Variants in FAM135A observed in about 807,000 individuals in gnomAD.
FAM135A encodes family with sequence similarity 135 member A.
In FAM135A, 79 loss-of-function variants were observed where a neutral mutation model predicts 146.8. The observed-to-expected ratio is 0.54, with a 90% CI of 0.45 to 0.65. FAM135A has a LOEUF of 0.65. FAM135A is among the 30% of genes least tolerant of loss of function. The probability of loss-of-function intolerance (pLI) is 0.00; values close to 1 mark genes in which losing one functional copy is unlikely to be tolerated. For missense variants in FAM135A, 1,623 were observed against 1,758.2 expected (o/e 0.92, Z 1.38); for synonymous variants, 562 against 603.6 (o/e 0.93, Z 1.01).
intron 20 of FAM135A, among the ~76,000 whole-genome samples, chr6:70,551,713 T>C (rs143617828): frequency 9.2e-5 from 14 of 152,272 alleles, no homozygotes; most frequent in South Asian, 2.1e-4. Flanking sequence ...TATAATTGTG[T>C]CTCAGGGATT....
At chr6:70,489,063 G>T (rs1180270027) in intron 10 of FAM135A, among the ~76,000 whole-genome samples, 1 of 152,080 alleles carries the variant, frequency 6.6e-6, no homozygotes, top group Non-Finnish European at 1.5e-5. Flanking sequence ...ATGCAGTTAG[G>T]TTCTTCTATG....
At position 70,559,934 on chromosome 6, in the gene FAM135A, GT is replaced by G; in HGVS notation, c.*15del. On this transcript the variant is annotated 3_prime_UTR_variant, in exon 22 of 22. Coordinates refer to ENST00000418814, the MANE Select transcript of FAM135A (RefSeq NM_001162529.3). ...ATATTTCCAATAGTATAAAAGCATT[GT>G]TAGCGACTGGACAATTACCTCATTC... 6.3e-7 allele frequency: 1 copy of G among 1,587,084 alleles called. No homozygotes were observed. The highest frequency in any genetic ancestry group is 8.6e-7 in the Non-Finnish European group (1 of 1,158,862).
intron 8 of FAM135A, among the ~76,000 whole-genome samples, chr6:70,480,139 A>G (rs897199082): frequency 1.3e-5 from 2 of 152,176 alleles, no homozygotes; most frequent in Non-Finnish European, 2.9e-5. Flanking sequence ...TGATTTTTCA[A>G]CAGTTTAACA....
At chr6:70,548,783 A>G (rs951968667) in intron 20 of FAM135A, among the ~76,000 whole-genome samples, 3 of 152,176 alleles carry the variant, frequency 2.0e-5, no homozygotes, top group Non-Finnish European at 4.4e-5. Flanking sequence ...TAATTCATTC[A>G]CAGACCACAC....
intron 5 of FAM135A, among the ~76,000 whole-genome samples, chr6:70,463,949 A>G (rs373886347): frequency 2.0e-5 from 3 of 152,192 alleles, no homozygotes; most frequent in African/African-American, 7.2e-5. Context: ...TGGCCTGCTG[A>G]AATAGGCAGT....
intron 5 of FAM135A, among the ~76,000 whole-genome samples, chr6:70,463,435 A>T (rs1011511681): frequency 4.0e-5 from 6 of 150,820 alleles, no homozygotes; most frequent in Non-Finnish European, 5.9e-5. Flanking sequence ...AAAAAAAAAA[A>T]TTTGTAGAGA....
Position 70,442,569 on chromosome 6 carries a change from A to G in FAM135A, c.78-9923A>G, listed in dbSNP as rs139771978. 2.0e-5 allele frequency among the ~76,000 whole-genome samples: 3 copies of G among 152,118 alleles called. No individual in the cohort carries two copies. The East Asian group carries it at 5.8e-4, about 29-fold the overall frequency. On this transcript the variant is annotated intron_variant, in intron 4 of 21. Coordinates refer to ENST00000418814, the MANE Select transcript of FAM135A (RefSeq NM_001162529.3). ...GGTATATCCTTTTTTTCTTTTGAAAATAGAGGCAAATAAATATATAGTCAT... is the reference window on the plus strand; with the variant it reads ...GGTATATCCTTTTTTTCTTTTGAAAGTAGAGGCAAATAAATATATAGTCAT...
In FAM135A at chr6:70,471,422, C is replaced by G. The variant is rs145591480; in HGVS notation, c.158-3988C>G. Among the ~76,000 whole-genome samples the G allele has an allele frequency of 5.6e-3, 856 of 152,142 alleles. 3 individuals are homozygous for G. Among genetic ancestry groups the G allele is most frequent in the Non-Finnish European group, 8.2e-3 (557 of 67,968 alleles). Reference sequence around the variant, plus strand: ...TCTTAGAGGGTATGAACCAGAAAGACAGGTGGAAGTATGGGAGGAGAGGTT... The same window carrying G: ...TCTTAGAGGGTATGAACCAGAAAGAGAGGTGGAAGTATGGGAGGAGAGGTT... On this transcript the variant is annotated intron_variant, in intron 5 of 21. Coordinates refer to ENST00000418814, the MANE Select transcript of FAM135A (RefSeq NM_001162529.3).
chr6:70,463,087 A>G, intron 5 of FAM135A, among the ~76,000 whole-genome samples: 1 of 151,992 alleles, frequency 6.6e-6, no homozygotes, highest in Non-Finnish European at 1.5e-5. Flanking sequence ...GTTTCCCACC[A>G]TTCTTGTGGA....
At chr6:70,440,502 C>T (rs543577423) in intron 4 of FAM135A, among the ~76,000 whole-genome samples, 1 of 152,202 alleles carries the variant, frequency 6.6e-6, no homozygotes, top group South Asian at 2.1e-4. Context: ...GCCTGGCCAA[C>T]ATGGTGAAAC....
intron 5 of FAM135A, among the ~76,000 whole-genome samples, chr6:70,474,055 T>C (rs1782134603): frequency 6.6e-6 from 1 of 151,848 alleles, no homozygotes; most frequent in African/African-American, 2.4e-5. Flanking sequence ...ACTTTACTCT[T>C]GGCTGCCCTC....
chr6:70,414,700 G>C (rs780932488), intron 1 of FAM135A, among the ~76,000 whole-genome samples: 2 of 151,976 alleles, frequency 1.3e-5, no homozygotes. Flanking sequence ...TTTCTTTACC[G>C]GTTGGTGGAA....
chr6:70,516,106 C>G (rs116427172), intron 12 of FAM135A, among the ~76,000 whole-genome samples: 2 of 152,082 alleles, frequency 1.3e-5, no homozygotes, highest in Non-Finnish European at 1.5e-5. Context: ...ACCAGTTTTA[C>G]AGTTGTTTGC....
At position 70,542,278 on chromosome 6, in the gene FAM135A, C is replaced by CACACACACACACA. The variant is rs1424633787; in HGVS notation, c.4228+3877_4228+3878insACACACACACACA. 1.6e-3 allele frequency among the ~76,000 whole-genome samples: 167 copies of CACACACACACACA among 106,818 alleles called. 1 individual carries two copies. The highest frequency in any genetic ancestry group is 5.9e-3 in the African/African-American group (161 of 27,334). The allele number at this position is 106,818 out of a possible 152,430, so 70.1% of individuals were successfully genotyped here. A position where few individuals can be genotyped will look rare whatever the true frequency, so the allele number is the denominator to read the frequency against. On this transcript the variant is annotated intron_variant, in intron 20 of 21. Coordinates refer to ENST00000418814, the MANE Select transcript of FAM135A (RefSeq NM_001162529.3). ...CACACACACACACACACACACACAC[C>CACACACACACACA]CTTTGCTGTGGTCATGCTATTCATG... is the stretch of plus-strand genomic sequence containing the variant.
At position 70,522,548 on chromosome 6, in the gene FAM135A, G is replaced by A. The variant is rs1167329730; in HGVS notation, c.1065G>A (p.Glu355=). The change falls in exon 13 of 22, where the codon GAG becomes GAA. Residue 355 remains glutamate, a synonymous_variant. Coordinates refer to ENST00000418814, the MANE Select transcript of FAM135A (RefSeq NM_001162529.3). ...TTTCTGAGGCATTCTTTTGTTTTGA[G>A]CATCCAAGAGAAGCTGCCATTGCAT... ...RRFSEAFFCF[E]HPREAAIAYQ... is the part of the protein sequence containing the mutation. 4 of 1,613,666 alleles carry A rather than the reference G, an allele frequency of 2.5e-6. No homozygotes were observed. In the South Asian group the frequency reaches 4.4e-5, roughly 18 times the overall value.
chr6:70,529,379 T>C (rs895278248), intron 16 of FAM135A, among the ~76,000 whole-genome samples: 1 of 150,372 alleles, frequency 6.7e-6, no homozygotes, highest in East Asian at 1.9e-4. Context: ...TTGTGGATTA[T>C]GAAAATATTA....
intron 10 of FAM135A, among the ~76,000 whole-genome samples, chr6:70,484,261 A>G (rs529550926): frequency 1.1e-3 from 167 of 152,276 alleles, no homozygotes; most frequent in African/African-American, 3.5e-3. Context: ...TGGGGCTTCA[A>G]TATATGAGAT....
At chr6:70,523,056 A>G (rs1793955613) in intron 13 of FAM135A, among the ~76,000 whole-genome samples, 1 of 152,166 alleles carries the variant, frequency 6.6e-6, no homozygotes, top group Non-Finnish European at 1.5e-5. Flanking sequence ...TTTGGCATTA[A>G]GGAATATTTT....
chr6:70,526,791 AC>A, intron 15 of FAM135A, 93 bp downstream of exon 15: 1 of 815,712 alleles, frequency 1.2e-6, no homozygotes, highest in Non-Finnish European at 1.8e-6. Flanking sequence ...ACACACACAC[AC>A]ACACACACAC....
Sources: gnomAD v4.1 joint callset for allele counts (sites outside exome capture counted in the v4.1 genomes callset) on GRCh38, gnomAD v4.1.1 for gene constraint, MANE v1.5 for transcripts, NCBI Gene and HGNC (gene_info 2026-07-23, HGNC 2026-07-21) for gene names.